Variants in DAAM2 observed in about 807,000 individuals in gnomAD.
DAAM2 encodes dishevelled associated activator of morphogenesis 2, also known as disheveled-associated activator of morphogenesis 2.
A neutral mutation model predicts 120.7 loss-of-function variants in DAAM2; 39 were observed. The observed-to-expected ratio is 0.32, with a 90% CI of 0.25 to 0.42. DAAM2 has a LOEUF of 0.42. DAAM2 is among the 10% of genes least tolerant of loss of function. The probability of loss-of-function intolerance (pLI) is 1.00; values close to 1 mark genes in which losing one functional copy is unlikely to be tolerated. For missense variants in DAAM2, 1,283 were observed against 1,401.7 expected (o/e 0.92, Z 1.35); for synonymous variants, 488 against 524.9 (o/e 0.93, Z 0.96).
At chr6:39,846,974 CT>C (rs966096659) in intron 1 of DAAM2, among the ~76,000 whole-genome samples, 3 of 152,334 alleles carry the variant, frequency 2.0e-5, no homozygotes, top group Non-Finnish European at 4.4e-5. Flanking sequence ...AGCTCCCATC[CT>C]ACCCCCTAGT....
intron 1 of DAAM2, among the ~76,000 whole-genome samples, chr6:39,796,823 A>G (rs1049008664): frequency 7.2e-5 from 11 of 151,812 alleles, no homozygotes; most frequent in African/African-American, 2.4e-4. Context: ...AGTCTTCTTT[A>G]TCTGTTAAAT....
intron 1 of DAAM2, among the ~76,000 whole-genome samples, chr6:39,824,315 G>A (rs1452628868): frequency 6.6e-6 from 1 of 152,140 alleles, no homozygotes; most frequent in Non-Finnish European, 1.5e-5. Flanking sequence ...GGGCATCTTG[G>A]GGTCTAGCTG....
intron 1 of DAAM2, among the ~76,000 whole-genome samples, chr6:39,835,749 G>A (rs776806213): frequency 9.2e-5 from 14 of 152,222 alleles, no homozygotes; most frequent in African/African-American, 3.1e-4. Context: ...CTGTGGTTGA[G>A]TGGTTGGAAG....
Position 39,878,729 on chromosome 6 carries a change from G to A in DAAM2, c.1545+141G>A, listed in dbSNP as rs1437310512. Reference sequence around the variant, plus strand: ...GGAGACCTTGGGCCAGGATAGAAGAGACCCTTGAGGCTGTACAGGTGGCAT... The same window carrying A: ...GGAGACCTTGGGCCAGGATAGAAGAAACCCTTGAGGCTGTACAGGTGGCAT... On this transcript the variant is annotated intron_variant, in intron 13 of 24. Coordinates refer to ENST00000274867, the MANE Select transcript of DAAM2 (RefSeq NM_001201427.2). The surrounding 1 kb of genome is among the most constrained non-coding windows in gnomAD (Gnocchi z 5.0). 2.4e-6 allele frequency: 2 copies of A among 831,390 alleles called. No individual in the cohort carries two copies. Among genetic ancestry groups the A allele is most frequent in the East Asian group, 5.3e-5 (2 of 37,392 alleles). 51.5% of individuals were successfully genotyped at this position (831,390 alleles called of 1,614,324 possible). A position where few individuals can be genotyped will look rare whatever the true frequency, so the allele number is the denominator to read the frequency against.
At chr6:39,869,753 CTTTTTTTTTT>C (rs531295826) in intron 7 of DAAM2, among the ~76,000 whole-genome samples, 12 of 102,020 alleles carry the variant, frequency 1.2e-4, no homozygotes, top group Middle Eastern at 4.9e-3. Flanking sequence ...CGCCAGCATA[CTTTTTTTTTT>C]TTTTTTTTTT....
intron 14 of DAAM2, among the ~76,000 whole-genome samples, chr6:39,883,098 C>T (rs965698920): frequency 6.6e-6 from 1 of 151,752 alleles, no homozygotes; most frequent in African/African-American, 2.4e-5. Flanking sequence ...GTGGGGATTC[C>T]TGAGAGGGGA....
At chr6:39,838,883 T>A (rs1157592578) in intron 1 of DAAM2, among the ~76,000 whole-genome samples, 1 of 152,056 alleles carries the variant, frequency 6.6e-6, no homozygotes, top group African/African-American at 2.4e-5. Flanking sequence ...GGTCTCAAAC[T>A]CCTGACCGCA....
rs752690140 is a variant in DAAM2 at position 39,891,453 on chromosome 6, G to A, written c.2252+6G>A. The stretch of plus-strand genomic sequence containing the variant: ...TTCCTCTATGAAATGAGCAGGTTGG[G>A]CCATGGGCATGGTGGGGATTCAAGC... On this transcript the variant is annotated splice_donor_region_variant and intron_variant, in intron 18 of 24. Coordinates refer to ENST00000274867, the MANE Select transcript of DAAM2 (RefSeq NM_001201427.2). 1 of 1,600,730 alleles carries A rather than the reference G, an allele frequency of 6.2e-7. No individual in the cohort carries two copies. Among genetic ancestry groups the A allele is most frequent in the South Asian group, 1.1e-5 (1 of 88,786 alleles).
rs1168207879 is a variant in DAAM2 at position 39,865,094 on chromosome 6, T to C, written c.428+20T>C. 2 of 1,400,766 alleles carry C rather than the reference T, an allele frequency of 1.4e-6. No individual in the cohort carries two copies. Among genetic ancestry groups the C allele is most frequent in the East Asian group, 2.4e-5 (1 of 41,478 alleles). 86.8% of individuals were successfully genotyped at this position (1,400,766 alleles called of 1,614,324 possible). ...TATGAGGTAATTCAGTTTCCCCCTC[T>C]TGCTTCCTGCTGAGTCCCTTCACAG... On this transcript the variant is annotated intron_variant, in intron 5 of 24. Transcript: ENST00000274867.
intron 1 of DAAM2, among the ~76,000 whole-genome samples, chr6:39,834,777 T>G (rs951081214): frequency 2.0e-5 from 3 of 152,074 alleles, no homozygotes; most frequent in Non-Finnish European, 2.9e-5. Flanking sequence ...TTCCAAAAGC[T>G]CCAATGCCCC....
At position 39,887,545 on chromosome 6, in the gene DAAM2, G is replaced by C; in HGVS notation, c.2013G>C (p.Ser671=). ...CTTCCCGCAAGGTCAAAGAGCTGTC[G>C]GTCATTGATGGCCGGAGGGCCCAAA... is the stretch of plus-strand genomic sequence containing the variant. The part of the protein sequence containing the change: ...YLASRKVKEL[S]VIDGRRAQNC... The change falls in exon 16 of 25, where the codon TCG becomes TCC. Residue 671 remains serine, a synonymous_variant. Coordinates refer to ENST00000274867, the MANE Select transcript of DAAM2 (RefSeq NM_001201427.2). 6.2e-7 allele frequency: 1 copy of C among 1,613,834 alleles called. No homozygotes were observed. The highest frequency in any genetic ancestry group is 8.5e-7 in the Non-Finnish European group (1 of 1,179,842).
At chr6:39,807,064 A>G (rs1762030180) in intron 1 of DAAM2, among the ~76,000 whole-genome samples, 1 of 152,154 alleles carries the variant, frequency 6.6e-6, no homozygotes, top group African/African-American at 2.4e-5. Context: ...AGATATGTTC[A>G]GGAATATTCA....
At chr6:39,828,903 T>G (rs1486601056) in intron 1 of DAAM2, among the ~76,000 whole-genome samples, 1 of 152,164 alleles carries the variant, frequency 6.6e-6, no homozygotes, top group Non-Finnish European at 1.5e-5. Context: ...ACCCTTAGTA[T>G]TATTGCAACA....
Position 39,856,332 on chromosome 6 carries a change from C to A in DAAM2, c.30C>A (p.Gly10=). 2 of 1,549,520 alleles carry A rather than the reference C, an allele frequency of 1.3e-6. No individual in the cohort carries two copies. The highest frequency in any genetic ancestry group is 8.7e-7 in the Non-Finnish European group (1 of 1,147,866). ...CCCCCCGCAAGAGGAGCCACCATGG[C>A]CTGGGCTTCCTGTGCTGCTTCGGGG... MAPRKRSHH[G]LGFLCCFGGS... is the part of the protein sequence containing the mutation. The change falls in exon 2 of 25, where the codon GGC becomes GGA. Residue 10 remains glycine, a synonymous_variant. Transcript: ENST00000274867.
At chr6:39,834,647 A>C (rs1033543483) in intron 1 of DAAM2, among the ~76,000 whole-genome samples, 4 of 152,210 alleles carry the variant, frequency 2.6e-5, no homozygotes, top group African/African-American at 9.6e-5. Context: ...ATTAACTCTC[A>C]CTTTATGTTT....
At chr6:39,884,576 A>G in intron 15 of DAAM2, 1 of 156,246 alleles carries the variant, frequency 6.4e-6, no homozygotes. Context: ...GGAAGGCAGA[A>G]GGTGCTGCTC....
intron 16 of DAAM2, chr6:39,887,872 G>A: frequency 4.8e-6 from 2 of 414,008 alleles, no homozygotes; most frequent in East Asian, 5.2e-5. Context: ...CCATGGAGCA[G>A]CATGATCTCA....
At chr6:39,824,669 A>T (rs1411171279) in intron 1 of DAAM2, among the ~76,000 whole-genome samples, 2 of 152,174 alleles carry the variant, frequency 1.3e-5, no homozygotes, top group South Asian at 4.1e-4. Context: ...GAAGCTGGCC[A>T]GCTCCTGCAG....
chr6:39,903,333 G>A lies in DAAM2; in HGVS notation c.*1296G>A, dbSNP rs956612996. On this transcript the variant is annotated 3_prime_UTR_variant, in exon 25 of 25. Coordinates refer to ENST00000274867, the MANE Select transcript of DAAM2 (RefSeq NM_001201427.2). ...ATCACCTGAAGGTGCCAAGGAGGAAGGCTGAGAGGGGGGCCACCCCATTTC... is the reference window on the plus strand; with the variant it reads ...ATCACCTGAAGGTGCCAAGGAGGAAAGCTGAGAGGGGGGCCACCCCATTTC... 3 of 152,298 alleles carry A rather than the reference G, an allele frequency of 2.0e-5. No homozygotes were observed. Among genetic ancestry groups the A allele is most frequent in the African/African-American group, 4.8e-5 (2 of 41,464 alleles). 9.4% of individuals were successfully genotyped at this position (152,298 alleles called of 1,614,324 possible). A position where few individuals can be genotyped will look rare whatever the true frequency, so the allele number is the denominator to read the frequency against.
Sources: gnomAD v4.1 joint callset for allele counts (sites outside exome capture counted in the v4.1 genomes callset) on GRCh38, gnomAD v4.1.1 for gene constraint, Gnocchi (gnomAD v3.1) non-coding constraint, MANE v1.5 for transcripts, NCBI Gene and HGNC (gene_info 2026-07-23, HGNC 2026-07-21) for gene names.